The following COG7 variants were observed in gnomAD, a reference collection of about 807,000 sequenced individuals.
The protein encoded by COG7 is conserved oligomeric Golgi complex subunit 7.
Under a neutral mutation model 91.5 loss-of-function variants are expected in COG7, and 49 were observed. The ratio of observed to expected loss-of-function variants is 0.54; its 90% CI spans 0.43 to 0.68. The LOEUF is 0.68. COG7 is among the 30% of genes least tolerant of loss of function. COG7 has a pLI of 0.00. For synonymous variants in COG7, 365 were observed against 388.7 expected, an observed-to-expected ratio of 0.94 and a Z score of 0.72; for missense variants, 895 against 961.3, an observed-to-expected ratio of 0.93 and a Z score of 0.91.
intron 1 of COG7, among the ~76,000 whole-genome samples, chr16:23,450,973 C>T (rs1596962642): frequency 6.6e-6 from 1 of 152,134 alleles, no homozygotes; most frequent in East Asian, 1.9e-4. Flanking sequence ...GTGGGTGGAT[C>T]ACCTGAGGTC....
intron 6 of COG7, among the ~76,000 whole-genome samples, chr16:23,426,819 A>C (rs34336365): frequency 0.021 from 2,164 of 103,634 alleles, 17 homozygotes; most frequent in Non-Finnish European, 0.025. Flanking sequence ...GCAATTGGAC[A>C]AAAAAAAAAA....
Position 23,413,441 on chromosome 16 carries a change from G to C in COG7, c.1409+7C>G, listed in dbSNP as rs373366651. 8.6e-5 allele frequency: 118 copies of C among 1,371,214 alleles called. No homozygotes were observed. In the African/African-American group the frequency reaches 1.3e-3, roughly 15 times the overall value. The allele number at this position is 1,371,214 out of a possible 1,614,324, so 84.9% of individuals were successfully genotyped here. ...GGAACAAGCTTGAATTACAACCCCC[G>C]GTTTACCTAATGGAGTTCTGAAAAG... On this transcript the variant is annotated splice_region_variant and intron_variant, in intron 10 of 16. Coordinates refer to ENST00000307149, the MANE Select transcript of COG7 (RefSeq NM_153603.4).
At chr16:23,429,873 G>A (rs896202723) in intron 6 of COG7, among the ~76,000 whole-genome samples, 6 of 152,134 alleles carry the variant, frequency 3.9e-5, no homozygotes, top group Non-Finnish European at 7.4e-5. Context: ...TCAAAAACAC[G>A]CTGAGTGAAA....
chr16:23,425,188 T>C (rs935527031), intron 6 of COG7, among the ~76,000 whole-genome samples: 2 of 152,104 alleles, frequency 1.3e-5, no homozygotes, highest in East Asian at 3.9e-4. Context: ...CGCATGCCTG[T>C]AATCCCACCT....
rs151097006 is a variant in COG7 at position 23,449,232 on chromosome 16, G to A, written c.170-3271C>T. Among the ~76,000 whole-genome samples the A allele has an allele frequency of 7.7e-3, 1,167 of 151,792 alleles. 20 individuals are homozygous for A. Among genetic ancestry groups the A allele is most frequent in the African/African-American group, 0.027 (1,120 of 41,430 alleles). Reference sequence around the variant, plus strand: ...CAAAAAATTAGCCAGGCGTGGTGGCGGGCGCCTGTAGTCCCAGCTACTCGG... The same window carrying A: ...CAAAAAATTAGCCAGGCGTGGTGGCAGGCGCCTGTAGTCCCAGCTACTCGG... On this transcript the variant is annotated intron_variant, in intron 1 of 16. Transcript: ENST00000307149.
rs778806884 is a variant in COG7 at position 23,389,083 on chromosome 16, T to C, written c.2150A>G (p.Tyr717Cys). The change falls in exon 17 of 17, where the codon TAT becomes TGT. Residue 717 changes from tyrosine (Y) to cysteine (C), a missense_variant. Coordinates refer to ENST00000307149, the MANE Select transcript of COG7 (RefSeq NM_153603.4). ...SAKQLATDID[Y>C]LINVMDALGL... is the part of the protein sequence containing the mutation. ...CAGGGCATCCATCACGTTGATCAGATAGTCTGTGGGGGCGGAGAGGAGACA... is the reference window on the plus strand; with the variant it reads ...CAGGGCATCCATCACGTTGATCAGACAGTCTGTGGGGGCGGAGAGGAGACA... 4 of 1,613,810 alleles carry C rather than the reference T, an allele frequency of 2.5e-6. No individual in the cohort carries two copies. The highest frequency in any genetic ancestry group is 3.4e-6 in the Non-Finnish European group (4 of 1,179,964).
rs529764406 is a variant in COG7, at chr16:23,434,549, C to A, written c.687+87G>T. 8.4e-5 allele frequency: 85 copies of A among 1,011,802 alleles called. 3 individuals are homozygous for A. Among genetic ancestry groups the A allele is most frequent in the South Asian group, 8.0e-4 (61 of 75,798 alleles). The allele number at this position is 1,011,802 out of a possible 1,614,324, so 62.7% of individuals were successfully genotyped here. A position where few individuals can be genotyped will look rare whatever the true frequency, so the allele number is the denominator to read the frequency against. ...GAGGGCAAGGAGACAAATGTTCTTA[C>A]CTTCTGAATTATGAACCTGCGATTC... On this transcript the variant is annotated intron_variant, in intron 5 of 16. Transcript: ENST00000307149.
At chr16:23,413,420 C>A (rs370073411) in intron 10 of COG7, 28 bp downstream of exon 10, 146 of 1,122,934 alleles carry the variant, frequency 1.3e-4, no homozygotes, top group Non-Finnish European at 1.9e-4. Context: ...ACATTAGGAA[C>A]AAGCTTGAAT....
chr16:23,410,420 A>G (rs748935563), intron 10 of COG7, 60 bp from the exon 11 acceptor site: 2 of 1,369,784 alleles, frequency 1.5e-6, no homozygotes, highest in Non-Finnish European at 2.1e-6. Flanking sequence ...TTTACAGGAC[A>G]AACATTGTCT....
At chr16:23,424,594 T>C (rs1963813697) in intron 7 of COG7, among the ~76,000 whole-genome samples, 155 bp downstream of exon 7, 1 of 152,206 alleles carries the variant, frequency 6.6e-6, no homozygotes, top group Admixed American at 6.5e-5. Context: ...TGTTTTTTCA[T>C]GGAAAAGCCC....
At chr16:23,421,932 A>G (rs1355322861) in intron 7 of COG7, among the ~76,000 whole-genome samples, 2 of 152,098 alleles carry the variant, frequency 1.3e-5, no homozygotes, top group African/African-American at 4.8e-5. Flanking sequence ...ATTTAAACTT[A>G]TCCTAAGGAA....
chr16:23,433,888 A>T (rs979377504), intron 5 of COG7, among the ~76,000 whole-genome samples: 1 of 151,934 alleles, frequency 6.6e-6, no homozygotes, highest in African/African-American at 2.4e-5. Context: ...TGCGGATGTG[A>T]TCCCCTCTCC....
At chr16:23,418,852 C>T (rs375684381) in intron 7 of COG7, 25 bp from the exon 8 acceptor site, 799 of 1,608,804 alleles carry the variant, frequency 5.0e-4, no homozygotes, top group Non-Finnish European at 6.5e-4. Context: ...AAATGTAAAA[C>T]GATAATGAAC....
chr16:23,451,453 C>T (rs1259875019), intron 1 of COG7, among the ~76,000 whole-genome samples: 1 of 152,108 alleles, frequency 6.6e-6, no homozygotes, highest in Non-Finnish European at 1.5e-5. Flanking sequence ...GTGGCTCACA[C>T]CAGTAATCCT....
chr16:23,411,821 TTC>T (rs1313897003), intron 10 of COG7, among the ~76,000 whole-genome samples: 3 of 152,066 alleles, frequency 2.0e-5, no homozygotes, highest in African/African-American at 7.2e-5. Context: ...GAACGGCCAT[TTC>T]TCTCTTGGGA....
intron 6 of COG7, 132 bp from the exon 7 acceptor site, chr16:23,425,079 G>T (rs1196007187): frequency 2.7e-6 from 2 of 753,516 alleles, no homozygotes; most frequent in Admixed American, 4.5e-5. Context: ...GGAGGCCAAG[G>T]AAGGTGGATC....
In COG7 at chr16:23,413,230, T is replaced by A. The variant is rs1963594933; in HGVS notation, c.1409+218A>T. The A allele has an allele frequency of 1.2e-5, 6 of 503,562 alleles. No individual in the cohort carries two copies. In the South Asian group the frequency reaches 1.3e-4, roughly 11 times the overall value. The allele number at this position is 503,562 out of a possible 1,614,324, so 31.2% of individuals were successfully genotyped here. A position where few individuals can be genotyped will look rare whatever the true frequency, so the allele number is the denominator to read the frequency against. On this transcript the variant is annotated intron_variant, in intron 10 of 16. Coordinates refer to ENST00000307149, the MANE Select transcript of COG7 (RefSeq NM_153603.4). ...AGATGAGGCATTTGTAAAGAACTTT[T>A]AAAAATATCTTAAGAGCTGGAGGGG... is the stretch of plus-strand genomic sequence containing the variant.
chr16:23,430,699 GGCTA>G (rs1272018776), intron 6 of COG7, among the ~76,000 whole-genome samples: 4 of 151,708 alleles, frequency 2.6e-5, no homozygotes, highest in Admixed American at 2.6e-4. Context: ...CTGCCACCAC[GGCTA>G]GCTAATTTTG....
At chr16:23,446,445 CTTTTTTT>C (rs34254755) in intron 1 of COG7, 11 of 112,828 alleles carry the variant, frequency 9.7e-5, no homozygotes, top group Admixed American at 6.3e-4. Context: ...TTTCCATGGT[CTTTTTTT>C]TTTTTTTTTT....
Sources: allele counts gnomAD v4.1 joint callset (sites outside exome capture counted in the v4.1 genomes callset), GRCh38; gene constraint gnomAD v4.1.1; transcripts MANE v1.5; gene names NCBI Gene and HGNC (gene_info 2026-07-23, HGNC 2026-07-21).